MMP26: variants seen among roughly 807,000 people sequenced by gnomAD.
MMP26 encodes the protein matrix metallopeptidase 26, also known as matrix metalloproteinase-26.
A neutral mutation model predicts 31.0 loss-of-function variants in MMP26; 33 were observed. The ratio of observed to expected loss-of-function variants is 1.06; its 90% CI spans 0.81 to 1.42. MMP26 has a LOEUF of 1.42. Among genes scored for constraint, MMP26 ranks in the 40% most tolerant of loss-of-function variants. MMP26 has a pLI of 0.00. For missense variants in MMP26, 347 were observed against 316.1 expected, an observed-to-expected ratio of 1.10 and a Z score of -0.74; for synonymous variants, 122 against 114.9, an observed-to-expected ratio of 1.06 and a Z score of -0.40.
At chr11:4,822,575 A>G (rs1260267051) in intron 2 of MMP26, 20 of 437,716 alleles carry the variant, frequency 4.6e-5, no homozygotes, top group Non-Finnish European at 6.9e-5. Flanking sequence ...TTCAATATGA[A>G]GTGAAGAAAC....
intron 2 of MMP26, among the ~76,000 whole-genome samples, chr11:4,986,662 C>A (rs1846894570): frequency 6.6e-6 from 1 of 151,332 alleles, no homozygotes. Context: ...TCCCAAGTAG[C>A]TGGGATTACA....
At chr11:4,899,935 G>A (rs1204807398) in intron 2 of MMP26, among the ~76,000 whole-genome samples, 1 of 152,194 alleles carries the variant, frequency 6.6e-6, no homozygotes, top group Non-Finnish European at 1.5e-5. Flanking sequence ...ATGATGGTAA[G>A]TGGGACTACT....
At chr11:4,850,411 C>T (rs574281787) in intron 2 of MMP26, among the ~76,000 whole-genome samples, 5 of 152,124 alleles carry the variant, frequency 3.3e-5, no homozygotes, top group African/African-American at 1.2e-4. Flanking sequence ...TTGGTGCCAC[C>T]ATTAATCAAT....
At chr11:4,805,412 T>G (rs1477531471) in intron 2 of MMP26, among the ~76,000 whole-genome samples, 1 of 152,250 alleles carries the variant, frequency 6.6e-6, no homozygotes, top group Non-Finnish European at 1.5e-5. Context: ...GCAGATCAAT[T>G]CAGCCATTGT....
At chr11:4,775,710 G>A (rs1223439154) in intron 2 of MMP26, among the ~76,000 whole-genome samples, 1 of 151,674 alleles carries the variant, frequency 6.6e-6, no homozygotes, top group African/African-American at 2.4e-5. Flanking sequence ...GGGTAGTCAA[G>A]CGAGTGCAGA....
At chr11:4,789,914 G>A (rs1431073266) in intron 2 of MMP26, among the ~76,000 whole-genome samples, 2 of 152,064 alleles carry the variant, frequency 1.3e-5, no homozygotes, top group Admixed American at 6.5e-5. Flanking sequence ...ATATTAAGTA[G>A]CAGATGAAGG....
At position 4,988,272 on chromosome 11, in the gene MMP26, C is replaced by G; in HGVS notation, c.61C>G (p.Pro21Ala). Residue 21 changes from proline (P) to alanine (A), a missense_variant, in exon 3 of 8, where the codon CCC becomes GCC. By Grantham distance (27) the Pro-to-Ala change is conservative. Transcript: ENST00000380390. ...FLPWCFAVPV[P>A]PAADHKGWDF... is the part of the protein sequence containing the mutation. ...GCCCTGGTGTTTCGCCGTTCCAGTG[C>G]CCCCTGCTGCAGACCATAAAGGATG... 1 of 1,614,018 alleles carries G rather than the reference C, an allele frequency of 6.2e-7. No individual in the cohort carries two copies. The highest frequency in any genetic ancestry group is 8.5e-7 in the Non-Finnish European group (1 of 1,179,992).
intron 2 of MMP26, among the ~76,000 whole-genome samples, chr11:4,834,139 C>T (rs919545670): frequency 6.6e-6 from 1 of 152,138 alleles, no homozygotes; most frequent in Non-Finnish European, 1.5e-5. Context: ...AGGCTCAACA[C>T]AGCACTCTCT....
intron 5 of MMP26, 150 bp downstream of exon 5, chr11:4,990,896 G>A (rs955115508): frequency 4.1e-6 from 3 of 736,990 alleles, no homozygotes; most frequent in African/African-American, 3.5e-5. Flanking sequence ...TCCTGTAATA[G>A]GGAAGACATT....
intron 2 of MMP26, among the ~76,000 whole-genome samples, chr11:4,791,167 A>T (rs1204038774): frequency 1.3e-5 from 2 of 152,200 alleles, no homozygotes. Flanking sequence ...GAATCTGAGA[A>T]TCTACCACAG....
At chr11:4,725,894 C>T (rs1848092523) in intron 1 of MMP26, among the ~76,000 whole-genome samples, 1 of 152,116 alleles carries the variant, frequency 6.6e-6, no homozygotes, top group South Asian at 2.1e-4. Flanking sequence ...GTCCTGTGGA[C>T]CAGAAGTACA....
At chr11:4,824,303 G>A (rs898722483) in intron 2 of MMP26, among the ~76,000 whole-genome samples, 7 of 152,044 alleles carry the variant, frequency 4.6e-5, no homozygotes, top group Admixed American at 1.3e-4. Flanking sequence ...CATTTAGCTC[G>A]TCTCCAGGAA....
chr11:4,830,323 C>T (rs1272567018), intron 2 of MMP26: 1 of 152,128 alleles, frequency 6.6e-6, no homozygotes, highest in African/African-American at 2.4e-5. Context: ...TAGAGATCAA[C>T]CCTATGTCTT....
At chr11:4,805,406 A>T (rs569207181) in intron 2 of MMP26, among the ~76,000 whole-genome samples, 1 of 152,370 alleles carries the variant, frequency 6.6e-6, no homozygotes, top group Non-Finnish European at 1.5e-5. Flanking sequence ...GTTGCAGCAG[A>T]TCAATTCAGC....
chr11:4,742,123 A>C (rs927243732), intron 1 of MMP26, among the ~76,000 whole-genome samples: 7 of 152,200 alleles, frequency 4.6e-5, no homozygotes, highest in African/African-American at 1.7e-4. Flanking sequence ...AGTCACTTTA[A>C]TCCAAGCACA....
At chr11:4,853,008 CAT>C (rs1186804283) in intron 2 of MMP26, among the ~76,000 whole-genome samples, 1 of 152,066 alleles carries the variant, frequency 6.6e-6, no homozygotes, top group African/African-American at 2.4e-5. Context: ...AAGTCAAACT[CAT>C]AGAAACAGAA....
rs1484349439 is a variant in MMP26, at chr11:4,802,006, GGGAGCCAGGTC to G, written c.-145+34666_-145+34676del. On this transcript the variant is annotated intron_variant, in intron 2 of 7. Coordinates refer to ENST00000380390, the MANE Select transcript of MMP26 (RefSeq NM_021801.5). ...GAATCACATTTCAACAGATTTGGAG[GGGAGCCAGGTC>G]CAAATCATATCAACTACAGGCACAT... Among the ~76,000 whole-genome samples the G allele has an allele frequency of 5.9e-5, 9 of 152,138 alleles. No individual in the cohort carries two copies. In the South Asian group the frequency reaches 1.9e-3, roughly 32 times the overall value.
intron 1 of MMP26, among the ~76,000 whole-genome samples, chr11:4,726,597 G>A (rs1848103848): frequency 6.6e-6 from 1 of 152,204 alleles, no homozygotes; most frequent in African/African-American, 2.4e-5. Flanking sequence ...TAGATGTCCT[G>A]AGGACTACTT....
At chr11:4,932,759 T>C (rs1332903025) in intron 2 of MMP26, among the ~76,000 whole-genome samples, 1 of 152,018 alleles carries the variant, frequency 6.6e-6, no homozygotes, top group Non-Finnish European at 1.5e-5. Context: ...TCAAGAAACC[T>C]AATTCTCTTT....
Sources: gnomAD v4.1 joint callset for allele counts (sites outside exome capture counted in the v4.1 genomes callset) on GRCh38, gnomAD v4.1.1 for gene constraint, MANE v1.5 for transcripts, NCBI Gene and HGNC (gene_info 2026-07-23, HGNC 2026-07-21) for gene names.